GATA3: variants seen among roughly 807,000 people sequenced by gnomAD.
GATA3 encodes trans-acting T-cell-specific transcription factor GATA-3.
GATA3 carries 6 observed loss-of-function variants against 36.0 expected under a neutral mutation model. The observed-to-expected ratio is 0.17, with a 90% CI of 0.09 to 0.33. The LOEUF (loss-of-function observed/expected upper bound fraction) is 0.33, where lower values mean the gene tolerates loss of function less well. Among genes scored for constraint, GATA3 ranks in the 10% least tolerant of loss-of-function variants. The pLI is 1.00. For synonymous variants in GATA3, 326 were observed against 273.0 expected (o/e 1.19, Z -1.92); for missense variants, 514 against 610.1 (o/e 0.84, Z 1.66).
upstream of GATA3, among the ~76,000 whole-genome samples, chr10:8,048,889 A>C (rs1001708900): frequency 4.6e-5 from 7 of 152,024 alleles, no homozygotes; most frequent in Non-Finnish European, 8.8e-5. Flanking sequence ...CAACCGGGGA[A>C]AAGGTGGTAG....
At chr10:8,056,034 T>A in intron 2 of GATA3, 138 bp downstream of exon 2, 2 of 1,236,388 alleles carry the variant, frequency 1.6e-6, no homozygotes, top group Non-Finnish European at 2.3e-6. Context: ...TACAAAAAAA[T>A]TGGGGCCCGG....
intron 3 of GATA3, among the ~76,000 whole-genome samples, chr10:8,062,878 A>T (rs978600792): frequency 3.3e-5 from 5 of 152,030 alleles, no homozygotes; most frequent in Non-Finnish European, 4.4e-5. Flanking sequence ...GGTCCCCCAA[A>T]ACCAAGGAGA....
intron 3 of GATA3, among the ~76,000 whole-genome samples, chr10:8,060,833 T>C (rs1832735615): frequency 6.6e-6 from 1 of 152,228 alleles, no homozygotes; most frequent in South Asian, 2.1e-4. Flanking sequence ...TACACCGATT[T>C]TGGTTTTTTT....
intron 5 of GATA3, 73 bp downstream of exon 5, chr10:8,069,671 C>T: frequency 1.3e-6 from 2 of 1,551,002 alleles, no homozygotes; most frequent in East Asian, 2.3e-5. Context: ...CACCACCACC[C>T]TCTCCAAGTG....
upstream of GATA3, chr10:8,052,366 G>C (rs993940193): frequency 1.3e-5 from 2 of 152,338 alleles, no homozygotes; most frequent in Admixed American, 1.3e-4. Flanking sequence ...CAAAATTAGC[G>C]GATAGGCGCC....
At chr10:8,054,469 C>T (rs1254096621), upstream of GATA3, among the ~76,000 whole-genome samples, 2 of 152,106 alleles carry the variant, frequency 1.3e-5, no homozygotes, top group African/African-American at 4.8e-5. This position sits in a 1 kb window ranked among gnomAD's most constrained non-coding sequence, Gnocchi z 4.2. Flanking sequence ...GCCGCCCCTC[C>T]GCCGGCGGCC....
At chr10:8,062,044 CG>C (rs1402457355) in intron 3 of GATA3, among the ~76,000 whole-genome samples, 1 of 152,194 alleles carries the variant, frequency 6.6e-6, no homozygotes, top group African/African-American at 2.4e-5. Context: ...GGCAGGCCTG[CG>C]GCCTGGCTTG....
At chr10:8,073,668 G>A (rs1832966428) in intron 5 of GATA3, 71 bp from the exon 6 acceptor site, 3 of 1,496,028 alleles carry the variant, frequency 2.0e-6, no homozygotes, top group Admixed American at 2.1e-5. Context: ...CCTTCTTGGT[G>A]TGCGAGAGCC....
chr10:8,053,247 G>C (rs1001235948), upstream of GATA3: 5 of 152,248 alleles, frequency 3.3e-5, no homozygotes, highest in African/African-American at 9.7e-5. The surrounding 1 kb of genome is among the most constrained non-coding windows in gnomAD (Gnocchi z 5.1). Context: ...ATGGGGTAGA[G>C]GAGCGAAGAG....
chr10:8,073,705 T>TAAAAAAA, intron 5 of GATA3, 34 bp from the exon 6 acceptor site: 6 of 1,408,440 alleles, frequency 4.3e-6, no homozygotes, highest in South Asian at 1.3e-5. Flanking sequence ...AGCAAAAAAG[T>TAAAAAAA]AAAAAAAAAA....
At chr10:8,073,280 G>A (rs1432340371) in intron 5 of GATA3, among the ~76,000 whole-genome samples, 4 of 151,228 alleles carry the variant, frequency 2.6e-5, no homozygotes, top group Non-Finnish European at 5.9e-5. Flanking sequence ...AGAGGCAACC[G>A]AAAGTTACTC....
chr10:8,054,421 TC>T (rs1443344725), upstream of GATA3, among the ~76,000 whole-genome samples: 1 of 152,068 alleles, frequency 6.6e-6, no homozygotes, highest in African/African-American at 2.4e-5. This position sits in a 1 kb window ranked among gnomAD's most constrained non-coding sequence, Gnocchi z 4.2. Context: ...TTCCCTCCCG[TC>T]CGCCCCCAAG....
intron 1 of GATA3, among the ~76,000 whole-genome samples, chr10:8,046,151 C>A (rs1157889721): frequency 6.6e-6 from 1 of 152,164 alleles, no homozygotes; most frequent in Non-Finnish European, 1.5e-5. Flanking sequence ...GCGGAAGGGG[C>A]AGAGAGGACA....
intron 5 of GATA3, 110 bp from the exon 6 acceptor site, chr10:8,073,629 G>A (rs1832965609): frequency 8.2e-7 from 1 of 1,220,916 alleles, no homozygotes; most frequent in Non-Finnish European, 1.1e-6. Flanking sequence ...AATGGAAACA[G>A]ATCCCTGATC....
Position 8,056,879 on chromosome 10 carries a change from A to G in GATA3, c.241+983A>G, listed in dbSNP as rs541179178. 3.3e-5 allele frequency among the ~76,000 whole-genome samples: 5 copies of G among 152,260 alleles called. No individual in the cohort carries two copies. The South Asian group carries it at 6.2e-4, about 19-fold the overall frequency. On this transcript the variant is annotated intron_variant, in intron 2 of 5. Coordinates refer to ENST00000379328, the MANE Select transcript of GATA3 (RefSeq NM_001002295.2). ...CTAAGTTTGTTCCTAAAGAAGAAAC[A>G]GGGGTAAAACATCGGGCAGAAAAAG...
At chr10:8,071,619 G>A (rs1265184889) in intron 5 of GATA3, among the ~76,000 whole-genome samples, 1 of 152,108 alleles carries the variant, frequency 6.6e-6, no homozygotes, top group Non-Finnish European at 1.5e-5. Flanking sequence ...CCAGTGAATG[G>A]GAGACAGAAA....
At chr10:8,067,047 A>C (rs2131507369) in intron 4 of GATA3, among the ~76,000 whole-genome samples, 1 of 152,284 alleles carries the variant, frequency 6.6e-6, no homozygotes, top group East Asian at 1.9e-4. Context: ...AAAAAAAAAA[A>C]ACACTATAGG....
intron 4 of GATA3, among the ~76,000 whole-genome samples, chr10:8,064,412 C>G (rs949695939): frequency 6.8e-6 from 1 of 147,816 alleles, no homozygotes; most frequent in Non-Finnish European, 1.5e-5. Context: ...TTTAAGGAGA[C>G]TGAATTCTTG....
At chr10:8,046,647 CAGTGTGTGTGTGTGTG>C (rs1336758893) in intron 1 of GATA3, among the ~76,000 whole-genome samples, 2 of 93,950 alleles carry the variant, frequency 2.1e-5, no homozygotes, top group African/African-American at 8.1e-5. Flanking sequence ...AAATGGCTGG[CAGTGTGTGTGTGTGTG>C]TGTGTGTGTG....
Sources: gnomAD v4.1 joint callset for allele counts (sites outside exome capture counted in the v4.1 genomes callset) on GRCh38, gnomAD v4.1.1 for gene constraint, Gnocchi (gnomAD v3.1) non-coding constraint, MANE v1.5 for transcripts, NCBI Gene and HGNC (gene_info 2026-07-23, HGNC 2026-07-21) for gene names.